The following ZNF230 variants were observed in gnomAD, a reference collection of about 807,000 sequenced individuals.
The protein encoded by ZNF230 is zinc finger protein 230, also known as zinc finger protein FDZF2.
ZNF230 carries 12 observed loss-of-function variants against 10.0 expected under a neutral mutation model. The ratio of observed to expected loss-of-function variants is 1.20; its 90% confidence interval spans 0.77 to 1.95. The LOEUF is 1.95. Ranked by LOEUF, ZNF230 falls within the 30% of genes most tolerant of loss-of-function variation. The pLI is 0.00. For synonymous variants in ZNF230, 174 were observed against 193.6 expected (o/e 0.90, Z 0.84); for missense variants, 532 against 565.8 (o/e 0.94, Z 0.61).
chr19:44,008,940 T>A (rs1375152357), intron 3 of ZNF230, 24 bp downstream of exon 3: 1 of 1,612,740 alleles, frequency 6.2e-7, no homozygotes, highest in Non-Finnish European at 8.5e-7. Flanking sequence ...CCCTCTGTAA[T>A]GGTACATCAG....
chr19:44,006,848 T>C (rs1170996479), intron 1 of ZNF230, 163 bp from the exon 2 acceptor site: 2 of 401,500 alleles, frequency 5.0e-6, no homozygotes, highest in Non-Finnish European at 9.1e-6. Context: ...ATGCCATGAT[T>C]TTTCTATCCA....
At chr19:44,007,363 C>G (rs1344447297) in intron 2 of ZNF230, among the ~76,000 whole-genome samples, 1 of 152,126 alleles carries the variant, frequency 6.6e-6, no homozygotes, top group East Asian at 1.9e-4. Context: ...CTCAAATTAG[C>G]CTGATTTTTC....
Position 44,009,072 on chromosome 19 carries a change from G to A in ZNF230, c.143-12G>A, listed in dbSNP as rs1434307235. The A allele has an allele frequency of 1.2e-6, 2 of 1,613,474 alleles. No individual in the cohort carries two copies. Among genetic ancestry groups the A allele is most frequent in the African/African-American group, 1.3e-5 (1 of 74,866 alleles). The stretch of plus-strand genomic sequence containing the variant: ...GAATTGGTATTAAGCACATGACTTT[G>A]CATGTTCACAGGGCATCAACCATTC... On this transcript the variant is annotated splice_polypyrimidine_tract_variant and intron_variant, in intron 3 of 4. Coordinates refer to ENST00000429154, the MANE Select transcript of ZNF230 (RefSeq NM_006300.4).
At chr19:44,008,060 G>T (rs956467348) in intron 2 of ZNF230, among the ~76,000 whole-genome samples, 2 of 152,192 alleles carry the variant, frequency 1.3e-5, no homozygotes, top group African/African-American at 4.8e-5. Context: ...TAAGAAAGCT[G>T]CCTAGAGTGG....
Position 44,013,541 on chromosome 19 carries a change from A to G in ZNF230, c.*2077A>G, listed in dbSNP as rs1271875011. On this transcript the variant is annotated 3_prime_UTR_variant, in exon 5 of 5. Transcript: ENST00000429154. ...CACCCCATTTTAAAATGGAATAAGT[A>G]TTCAACAAGAATTTGTGTGAAATGC... The G allele has an allele frequency of 6.6e-6, 1 of 152,240 alleles. No individual in the cohort carries two copies. The highest frequency in any genetic ancestry group is 6.5e-5 in the Admixed American group (1 of 15,290). The allele number at this position is 152,240 out of a possible 1,614,324, so 9.4% of individuals were successfully genotyped here.
intron 2 of ZNF230, among the ~76,000 whole-genome samples, chr19:44,008,234 TA>T (rs891096237): frequency 2.6e-4 from 39 of 151,022 alleles, no homozygotes; most frequent in Non-Finnish European, 5.2e-4. Flanking sequence ...AAAGAAGGCA[TA>T]AAAAAAAATA....
intron 3 of ZNF230, 43 bp from the exon 4 acceptor site, chr19:44,009,041 T>G: frequency 6.2e-7 from 1 of 1,609,978 alleles, no homozygotes; most frequent in Non-Finnish European, 8.5e-7. Context: ...TGATATTACC[T>G]AGAATGAATT....
At chr19:44,003,773 T>C (rs190623927) in intron 1 of ZNF230, 2 of 194,842 alleles carry the variant, frequency 1.0e-5, no homozygotes, top group African/African-American at 2.3e-5. Flanking sequence ...TTTTTTCCTT[T>C]ATAGAGATGT....
chr19:44,010,326 G>T lies in ZNF230; in HGVS notation c.287G>T (p.Trp96Leu). 1.2e-6 allele frequency: 2 copies of T among 1,614,024 alleles called. No individual in the cohort carries two copies. Among genetic ancestry groups the T allele is most frequent in the East Asian group, 2.2e-5 (1 of 44,890 alleles). The change falls in exon 5 of 5, where the codon TGG becomes TTG. Residue 96 changes from tryptophan to leucine, a missense_variant. Trp to Leu is a moderately conservative substitution (Grantham distance 61, BLOSUM62 -2). Coordinates refer to ENST00000429154, the MANE Select transcript of ZNF230 (RefSeq NM_006300.4). ...GAAGACTGCCCTTGCCAGCAAATCT[G>T]GGAACAAACTGCAAGTGACTTAACC... The part of the protein sequence containing the change: ...PHEDCPCQQI[W>L]EQTASDLTQS...
chr19:44,008,994 A>C, intron 3 of ZNF230, 78 bp downstream of exon 3: 1 of 1,604,218 alleles, frequency 6.2e-7, no homozygotes, highest in Non-Finnish European at 8.5e-7. Flanking sequence ...AAGTTTGTGT[A>C]TGCAGTGGGA....
At chr19:44,007,127 T>C (rs1303990246) in intron 2 of ZNF230, 34 bp downstream of exon 2, 2 of 1,596,478 alleles carry the variant, frequency 1.3e-6, no homozygotes, top group South Asian at 2.2e-5. Flanking sequence ...CTATTAAAAT[T>C]CCATCTTATT....
rs1239280603 is a variant in ZNF230, at chr19:44,010,791, C to T, written c.752C>T (p.Pro251Leu). 1.2e-6 allele frequency: 2 copies of T among 1,614,158 alleles called. No individual in the cohort carries two copies. Among genetic ancestry groups the T allele is most frequent in the African/African-American group, 1.3e-5 (1 of 75,032 alleles). ...VHCKLHTGEK[P>L]YICEKCGRAF... ...TGCAAATTACACACAGGAGAGAAACCTTATATTTGTGAGAAATGTGGGAGG... is the reference window on the plus strand; with the variant it reads ...TGCAAATTACACACAGGAGAGAAACTTTATATTTGTGAGAAATGTGGGAGG... The change falls in exon 5 of 5, where the codon CCT (proline) becomes CTT (leucine). Residue 251 changes from proline (P) to leucine (L), a missense_variant. Pro to Leu is a moderately conservative substitution (Grantham distance 98). Coordinates refer to ENST00000429154, the MANE Select transcript of ZNF230 (RefSeq NM_006300.4).
intron 1 of ZNF230, among the ~76,000 whole-genome samples, chr19:44,005,820 C>T (rs1976116946): frequency 6.6e-6 from 1 of 152,096 alleles, no homozygotes; most frequent in Admixed American, 6.5e-5. Flanking sequence ...ACCCAGCAGG[C>T]GGAGGTTGCA....
chr19:44,009,053 G>A, intron 3 of ZNF230, 31 bp from the exon 4 acceptor site: 2 of 1,612,638 alleles, frequency 1.2e-6, no homozygotes, highest in Non-Finnish European at 1.7e-6. Flanking sequence ...GAATGAATTG[G>A]TATTAAGCAC....
intron 1 of ZNF230, among the ~76,000 whole-genome samples, chr19:44,005,959 G>A (rs564561455): frequency 3.9e-5 from 6 of 152,000 alleles, no homozygotes; most frequent in Admixed American, 2.0e-4. Context: ...GCCATTCAAA[G>A]TCCAGTTTAT....
intron 1 of ZNF230, chr19:44,003,456 T>C (rs1976088948): frequency 6.6e-6 from 1 of 152,274 alleles, no homozygotes; most frequent in Non-Finnish European, 1.5e-5. Flanking sequence ...TGGTGGTCTC[T>C]TGTTAACTTC....
rs760500266 is a variant in ZNF230, at chr19:44,011,190, G to A, written c.1151G>A (p.Arg384Lys). 1.2e-6 allele frequency: 2 copies of A among 1,614,078 alleles called. No homozygotes were observed. The highest frequency in any genetic ancestry group is 1.3e-5 in the African/African-American group (1 of 75,038). Residue 384 changes from arginine (R) to lysine (K), a missense_variant, in exon 5 of 5, where the codon AGG becomes AAG. Arg to Lys is a conservative substitution (Grantham distance 26). Coordinates refer to ENST00000429154, the MANE Select transcript of ZNF230 (RefSeq NM_006300.4). Reference sequence around the variant, plus strand: ...AAGTCAGGTCTTAACTTGCACCAGAGGGTCCATACTGGAGAGAGACCTTAT... The same window carrying A: ...AAGTCAGGTCTTAACTTGCACCAGAAGGTCCATACTGGAGAGAGACCTTAT... The part of the protein sequence containing the change: ...ISKSGLNLHQ[R>K]VHTGERPYNC...
Position 44,011,216 on chromosome 19 carries a change from A to G in ZNF230, c.1177A>G (p.Asn393Asp), listed in dbSNP as rs1976179055. ...GGTCCATACTGGAGAGAGACCTTATAATTGTAAGGAATGTGGGAAGAGCTT... is the reference window on the plus strand; with the variant it reads ...GGTCCATACTGGAGAGAGACCTTATGATTGTAAGGAATGTGGGAAGAGCTT... The part of the protein sequence containing the change: ...QRVHTGERPY[N>D]CKECGKSFSR... The change falls in exon 5 of 5, where the codon AAT becomes GAT. Residue 393 changes from asparagine (N) to aspartate (D), a missense_variant. By Grantham distance (23) the Asn-to-Asp change is conservative (BLOSUM62 1). Coordinates refer to ENST00000429154, the MANE Select transcript of ZNF230 (RefSeq NM_006300.4). The G allele has an allele frequency of 1.2e-6, 2 of 1,613,958 alleles. No homozygotes were observed. The highest frequency in any genetic ancestry group is 2.7e-5 in the African/African-American group (2 of 74,906).
chr19:44,008,980 A>G (rs1456497048), intron 3 of ZNF230, 64 bp downstream of exon 3: 1 of 1,605,356 alleles, frequency 6.2e-7, no homozygotes, highest in South Asian at 1.1e-5. Context: ...ATCCTAGAGT[A>G]TTCAAGTTTG....
Sources: gnomAD v4.1 joint callset for allele counts (sites outside exome capture counted in the v4.1 genomes callset) on GRCh38, gnomAD v4.1.1 for gene constraint, MANE v1.5 for transcripts, NCBI Gene and HGNC (gene_info 2026-07-23, HGNC 2026-07-21) for gene names.